THEMIS: variants seen among roughly 807,000 people sequenced by gnomAD.
The protein encoded by THEMIS is protein THEMIS.
A neutral mutation model predicts 52.6 loss-of-function variants in THEMIS; 37 were observed. The ratio of observed to expected loss-of-function variants is 0.70; its 90% confidence interval spans 0.54 to 0.93. The LOEUF (loss-of-function observed/expected upper bound fraction) is 0.93, where lower values mean the gene tolerates loss of function less well. Ranked by LOEUF, THEMIS falls within the 40% of genes least tolerant of loss-of-function variation. The pLI, the probability that THEMIS is intolerant of heterozygous loss-of-function variation, is 0.00. For missense variants in THEMIS, 808 were observed against 763.1 expected, an observed-to-expected ratio of 1.06 and a Z score of -0.69; for synonymous variants, 292 against 272.7, an observed-to-expected ratio of 1.07 and a Z score of -0.70.
intron 1 of THEMIS, among the ~76,000 whole-genome samples, chr6:127,855,982 C>T (rs1480173827): frequency 6.6e-6 from 1 of 151,914 alleles, no homozygotes; most frequent in Non-Finnish European, 1.5e-5. Flanking sequence ...GAAAAGGAAA[C>T]AACCCAAAAA....
chr6:127,699,697 G>A, the THEMIS span, among the ~76,000 whole-genome samples: 706 of 151,784 alleles, frequency 4.7e-3, 4 homozygotes, highest in African/African-American at 0.016. Flanking sequence ...TCTGTTTAAC[G>A]AATAGTGATG....
Position 127,838,962 on chromosome 6 carries a change from A to G in THEMIS, c.251-9028T>C, listed in dbSNP as rs115927664. 6.0e-3 allele frequency among the ~76,000 whole-genome samples: 914 copies of G among 152,236 alleles called. 13 individuals are homozygous for G. The highest frequency in any genetic ancestry group is 0.021 in the African/African-American group (881 of 41,560). On this transcript the variant is annotated intron_variant, in intron 2 of 5. Coordinates refer to ENST00000368248, the MANE Select transcript of THEMIS (RefSeq NM_001010923.3). Reference sequence around the variant, plus strand: ...GTTTTTGATTTTCTGTAAGCAACATATAGTACCATTTATTATAACTTTGTA... The same window carrying G: ...GTTTTTGATTTTCTGTAAGCAACATGTAGTACCATTTATTATAACTTTGTA...
rs117421359 is a variant in THEMIS at position 127,723,607 on chromosome 6, A to T, written c.1759-3784T>A. Among the ~76,000 whole-genome samples, 290 of 151,958 alleles carry T rather than the reference A, an allele frequency of 1.9e-3. 2 individuals carry two copies. In the East Asian group the frequency reaches 0.031, roughly 16 times the overall value. ...CAGGAGCTTGCATGCCTTAGTAAGC[A>T]CTCTGGACTCTAATTCTAATGTCCT... On this transcript the variant is annotated intron_variant, in intron 4 of 5. Coordinates refer to ENST00000368248, the MANE Select transcript of THEMIS (RefSeq NM_001010923.3).
At chr6:127,725,919 T>C (rs535851446) in intron 4 of THEMIS, among the ~76,000 whole-genome samples, 1 of 152,220 alleles carries the variant, frequency 6.6e-6, no homozygotes, top group East Asian at 1.9e-4. Flanking sequence ...TCATTTCCCC[T>C]TTTCTGCTCC....
At chr6:127,893,368 A>G (rs1780867847) in intron 1 of THEMIS, among the ~76,000 whole-genome samples, 1 of 152,154 alleles carries the variant, frequency 6.6e-6, no homozygotes, top group African/African-American at 2.4e-5. Context: ...TCAGCCAGTC[A>G]TTTTGCTAAA....
intron 4 of THEMIS, among the ~76,000 whole-genome samples, chr6:127,752,583 G>T (rs1775684679): frequency 6.6e-6 from 1 of 151,446 alleles, no homozygotes; most frequent in African/African-American, 2.4e-5. Flanking sequence ...TCAAATTTAT[G>T]CTTGCCCTCC....
At position 127,743,966 on chromosome 6, in the gene THEMIS, C is replaced by CA. The variant is rs1465109225; in HGVS notation, c.1759-24144dup. On this transcript the variant is annotated intron_variant, in intron 4 of 5. Transcript: ENST00000368248. ...GTCTAGGAAAAGTAGATAGTAAAGACAAAAAACTGAAATCTGGAAATAAGA... is the reference window on the plus strand; with the variant it reads ...GTCTAGGAAAAGTAGATAGTAAAGACAAAAAAACTGAAATCTGGAAATAAGA... Among the ~76,000 whole-genome samples the CA allele has an allele frequency of 2.6e-5, 4 of 151,828 alleles. 1 individual carries two copies. In the East Asian group the frequency reaches 7.7e-4, roughly 29 times the overall value.
intron 1 of THEMIS, among the ~76,000 whole-genome samples, chr6:127,885,109 A>G (rs1780605934): frequency 6.6e-6 from 1 of 151,548 alleles, no homozygotes; most frequent in Non-Finnish European, 1.5e-5. Context: ...TCCATAACAC[A>G]TATTATAAAA....
intron 4 of THEMIS, among the ~76,000 whole-genome samples, chr6:127,786,279 T>C (rs1776945590): frequency 6.6e-6 from 1 of 152,202 alleles, no homozygotes; most frequent in African/African-American, 2.4e-5. Flanking sequence ...AGCTTGGCCA[T>C]CTGTTATTGT....
chr6:127,737,871 T>G (rs1258262607), intron 4 of THEMIS, among the ~76,000 whole-genome samples: 2 of 152,206 alleles, frequency 1.3e-5, no homozygotes, highest in African/African-American at 4.8e-5. Context: ...GGATGGCTTT[T>G]TCAAGACAGG....
chr6:127,793,447 G>A (rs1435342556), intron 4 of THEMIS, among the ~76,000 whole-genome samples: 1 of 152,058 alleles, frequency 6.6e-6, no homozygotes, highest in African/African-American at 2.4e-5. Flanking sequence ...TCCCAGAGAA[G>A]GTAAGAAAAG....
At chr6:127,918,354 G>A (rs1488532071) in intron 1 of THEMIS, 7 of 152,122 alleles carry the variant, frequency 4.6e-5, no homozygotes, top group Non-Finnish European at 8.8e-5. Context: ...AACCCTGAGA[G>A]TATATAAATA....
At chr6:127,755,044 T>A (rs1323618666) in intron 4 of THEMIS, among the ~76,000 whole-genome samples, 3 of 152,294 alleles carry the variant, frequency 2.0e-5, no homozygotes, top group South Asian at 4.1e-4. Context: ...TAAAAACTAT[T>A]TGGCAGCTTA....
chr6:127,787,876 TAGATATAGATAGATAG>T (rs1288949960), intron 4 of THEMIS, among the ~76,000 whole-genome samples: 4 of 119,832 alleles, frequency 3.3e-5, no homozygotes, highest in Non-Finnish European at 7.2e-5. Context: ...GATAGATAGA[TAGATATAGATAGATAG>T]ATAGATAGAT....
At chr6:127,766,388 A>G (rs1776200428) in intron 4 of THEMIS, among the ~76,000 whole-genome samples, 1 of 152,182 alleles carries the variant, frequency 6.6e-6, no homozygotes, top group Non-Finnish European at 1.5e-5. Flanking sequence ...TGTTTTTTAA[A>G]CATGTTTAAT....
At chr6:127,776,425 G>A (rs1776566734) in intron 4 of THEMIS, among the ~76,000 whole-genome samples, 1 of 152,214 alleles carries the variant, frequency 6.6e-6, no homozygotes, top group East Asian at 1.9e-4. Flanking sequence ...CTTGGGGGAA[G>A]CCAGCTGCCA....
At chr6:127,772,287 ACT>A (rs1256143548) in intron 4 of THEMIS, among the ~76,000 whole-genome samples, 1 of 151,260 alleles carries the variant, frequency 6.6e-6, no homozygotes, top group Non-Finnish European at 1.5e-5. Context: ...TTTTTCTCAC[ACT>A]CTCTGCTTAA....
chr6:127,900,424 T>C (rs1246472797), intron 1 of THEMIS, among the ~76,000 whole-genome samples: 2 of 152,070 alleles, frequency 1.3e-5, no homozygotes, highest in East Asian at 3.9e-4. Context: ...GTTTGGGAAA[T>C]ATTTGGAAAT....
intron 5 of THEMIS, 137 bp from the exon 6 acceptor site, chr6:127,710,153 C>A: frequency 9.9e-6 from 5 of 506,378 alleles, no homozygotes; most frequent in South Asian, 7.2e-5. Context: ...GCAGAAAGAG[C>A]CAGCAAAATA....
Sources: allele counts gnomAD v4.1 joint callset (sites outside exome capture counted in the v4.1 genomes callset), GRCh38; gene constraint gnomAD v4.1.1; transcripts MANE v1.5; gene names NCBI Gene and HGNC (gene_info 2026-07-23, HGNC 2026-07-21).